The following BICRAL variants were observed in gnomAD, a reference collection of about 807,000 sequenced individuals.
BICRAL encodes BRD4-interacting chromatin-remodeling complex-associated protein-like.
In BICRAL, 8 loss-of-function variants were observed where a neutral mutation model predicts 91.8. The observed-to-expected ratio is 0.09, with a 90% CI of 0.05 to 0.16. The LOEUF (loss-of-function observed/expected upper bound fraction) is 0.16. Among genes scored for constraint, BICRAL ranks in the 10% least tolerant of loss-of-function variants. The probability of loss-of-function intolerance (pLI) is 1.00; values close to 1 mark genes in which losing one functional copy is unlikely to be tolerated. For synonymous variants in BICRAL, 445 were observed against 491.1 expected (o/e 0.91, Z 1.24); for missense variants, 1,038 against 1,310.9 (o/e 0.79, Z 3.21).
At position 42,867,165 on chromosome 6, in the gene BICRAL, C is replaced by A. The variant is rs975054450; in HGVS notation, c.*1719C>A. On this transcript the variant is annotated 3_prime_UTR_variant, in exon 13 of 13. Coordinates refer to ENST00000314073, the MANE Select transcript of BICRAL (RefSeq NM_001393499.1). ...GTTGGGCATTTCTTTTCCAGATTGG[C>A]CTGTGATGGAAAGGAAGGCTTCTAA... 19 of 224,016 alleles carry A rather than the reference C, an allele frequency of 8.5e-5. No individual in the cohort carries two copies. The highest frequency in any genetic ancestry group is 4.1e-4 in the African/African-American group (18 of 44,056). The allele number at this position is 224,016 out of a possible 1,614,324, so 13.9% of individuals were successfully genotyped here.
chr6:42,780,124 C>T (rs1314464703), upstream of BICRAL, among the ~76,000 whole-genome samples: 3 of 151,874 alleles, frequency 2.0e-5, no homozygotes, highest in Non-Finnish European at 4.4e-5. Context: ...AGGCTGGTCT[C>T]AAACTTCTAA....
At chr6:42,783,470 T>G (rs990209756) in intron 1 of BICRAL, among the ~76,000 whole-genome samples, 2 of 152,118 alleles carry the variant, frequency 1.3e-5, no homozygotes, top group African/African-American at 4.8e-5. Flanking sequence ...GCGCTGGGCC[T>G]GGCCTGTCGC....
intron 1 of BICRAL, among the ~76,000 whole-genome samples, chr6:42,772,965 T>C (rs111895593): frequency 2.6e-5 from 4 of 152,250 alleles, no homozygotes; most frequent in African/African-American, 9.6e-5. Flanking sequence ...ATTTATTTAA[T>C]ATTTAACATG....
intron 1 of BICRAL, among the ~76,000 whole-genome samples, chr6:42,748,125 T>TTC: frequency 6.7e-6 from 1 of 149,992 alleles, no homozygotes; most frequent in South Asian, 2.1e-4. Flanking sequence ...TTTTTTTTTT[T>TTC]CCAGAAAAGC....
At chr6:42,776,676 A>G (rs1762812758) in intron 1 of BICRAL, among the ~76,000 whole-genome samples, 1 of 152,170 alleles carries the variant, frequency 6.6e-6, no homozygotes, top group Admixed American at 6.5e-5. Context: ...ACTTAATATT[A>G]CTGAACTCTC....
At chr6:42,835,464 C>T (rs1018426229) in intron 6 of BICRAL, among the ~76,000 whole-genome samples, 1 of 151,960 alleles carries the variant, frequency 6.6e-6, no homozygotes, top group Admixed American at 6.6e-5. Flanking sequence ...AAAGCCAGCT[C>T]CACCATGTTT....
intron 1 of BICRAL, among the ~76,000 whole-genome samples, chr6:42,753,586 C>T (rs1377567101): frequency 2.0e-5 from 3 of 152,034 alleles, no homozygotes; most frequent in Non-Finnish European, 2.9e-5. Flanking sequence ...GGAGGAGGGA[C>T]ATCCTCTCTA....
chr6:42,753,463 C>T (rs950887746), intron 1 of BICRAL, among the ~76,000 whole-genome samples: 5 of 151,882 alleles, frequency 3.3e-5, no homozygotes, highest in African/African-American at 1.2e-4. Flanking sequence ...TTGAGCTGAA[C>T]GGGAAAGCAT....
chr6:42,827,355 G>A (rs1466322641), intron 5 of BICRAL, among the ~76,000 whole-genome samples: 3 of 152,308 alleles, frequency 2.0e-5, no homozygotes, highest in Admixed American at 2.0e-4. Context: ...TCTCTGGTAA[G>A]GCTTGTGAAT....
chr6:42,829,611 A>G lies in BICRAL; in HGVS notation c.1278A>G (p.Gln426=). 2 of 1,614,212 alleles carry G rather than the reference A, an allele frequency of 1.2e-6. No homozygotes were observed. Among genetic ancestry groups the G allele is most frequent in the African/African-American group, 1.3e-5 (1 of 75,076 alleles). ...AGACTATAAATGGGCAACTTCTTCAAACTCAACCCTCTCAGCTCATTTCTG... is the reference window on the plus strand; with the variant it reads ...AGACTATAAATGGGCAACTTCTTCAGACTCAACCCTCTCAGCTCATTTCTG... ...HVQTINGQLL[Q]TQPSQLISGQ... is the part of the protein sequence containing the mutation. Residue 426 remains glutamine (Q), a synonymous_variant, in exon 6 of 13, where the codon CAA becomes CAG. Coordinates refer to ENST00000314073, the MANE Select transcript of BICRAL (RefSeq NM_001393499.1).
intron 6 of BICRAL, among the ~76,000 whole-genome samples, chr6:42,831,696 C>T (rs1368258027): frequency 6.6e-6 from 1 of 151,930 alleles, no homozygotes; most frequent in Non-Finnish European, 1.5e-5. Flanking sequence ...CCTCCACATT[C>T]AGAAGGATTC....
At chr6:42,797,710 A>G (rs1236211345) in intron 1 of BICRAL, among the ~76,000 whole-genome samples, 1 of 152,196 alleles carries the variant, frequency 6.6e-6, no homozygotes, top group Non-Finnish European at 1.5e-5. Flanking sequence ...GCAGTGACTC[A>G]TACCTGTAAT....
chr6:42,801,112 C>T (rs1485918628), intron 1 of BICRAL, among the ~76,000 whole-genome samples: 4 of 151,696 alleles, frequency 2.6e-5, no homozygotes, highest in Middle Eastern at 3.2e-3. Context: ...ATTAGCCAGG[C>T]GTTGTGGCAG....
chr6:42,803,022 T>C (rs954472919), intron 1 of BICRAL, among the ~76,000 whole-genome samples: 3 of 152,218 alleles, frequency 2.0e-5, no homozygotes, highest in Admixed American at 1.3e-4. Context: ...AGTTGTCTTT[T>C]CTTTAAGGTC....
chr6:42,845,255 A>T (rs1582867231), intron 6 of BICRAL, among the ~76,000 whole-genome samples: 1 of 72,518 alleles, frequency 1.4e-5, no homozygotes, highest in African/African-American at 5.2e-5. Context: ...TTTTAGACAG[A>T]GTTTCAGTCG....
At chr6:42,859,719 G>T (rs956506935) in intron 10 of BICRAL, among the ~76,000 whole-genome samples, 1 of 152,040 alleles carries the variant, frequency 6.6e-6, no homozygotes, top group African/African-American at 2.4e-5. Context: ...TTGGCTCACT[G>T]CAAGCTCCGC....
chr6:42,767,591 G>A (rs562280517), intron 1 of BICRAL, among the ~76,000 whole-genome samples: 3 of 152,330 alleles, frequency 2.0e-5, no homozygotes, highest in South Asian at 2.1e-4. Flanking sequence ...TGGTAAAGAC[G>A]CAAGAAATGT....
intron 11 of BICRAL, among the ~76,000 whole-genome samples, chr6:42,860,824 A>G (rs1276236730): frequency 6.6e-6 from 1 of 152,218 alleles, no homozygotes; most frequent in Non-Finnish European, 1.5e-5. Flanking sequence ...CATAAAATTT[A>G]CATTTAAAGT....
intron 1 of BICRAL, among the ~76,000 whole-genome samples, chr6:42,773,660 G>A (rs566239414): frequency 1.3e-5 from 2 of 152,018 alleles, no homozygotes; most frequent in Non-Finnish European, 2.9e-5. Flanking sequence ...GATTACAGGC[G>A]CCCACCGCCA....
Sources: allele counts gnomAD v4.1 joint callset (sites outside exome capture counted in the v4.1 genomes callset), GRCh38; gene constraint gnomAD v4.1.1; transcripts MANE v1.5; gene names NCBI Gene and HGNC (gene_info 2026-07-23, HGNC 2026-07-21).